The following SLC14A2 variants were observed in gnomAD, a reference collection of about 807,000 sequenced individuals.
SLC14A2 encodes solute carrier family 14 member 2.
SLC14A2 carries 91 observed loss-of-function variants against 104.6 expected under a neutral mutation model. The ratio of observed to expected loss-of-function variants is 0.87; its 90% CI spans 0.73 to 1.04. The LOEUF (loss-of-function observed/expected upper bound fraction) is 1.04. Ranked by LOEUF, SLC14A2 falls within the 50% of genes least tolerant of loss-of-function variation. The pLI is 0.00. For synonymous variants in SLC14A2, 476 were observed against 466.4 expected, an observed-to-expected ratio of 1.02 and a Z score of -0.27; for missense variants, 1,189 against 1,156.0, an observed-to-expected ratio of 1.03 and a Z score of -0.41.
intron 1 of SLC14A2, among the ~76,000 whole-genome samples, chr18:45,326,495 G>A (rs927500279): frequency 6.6e-6 from 1 of 152,134 alleles, no homozygotes; most frequent in African/African-American, 2.4e-5. Context: ...ATATTGAGGA[G>A]AGGAGCAAAA....
At chr18:45,678,954 C>CTTTTTTTTTTTTTT (rs72437878) in intron 18 of SLC14A2, 21 bp from the exon 19 acceptor site, 8 of 1,436,496 alleles carry the variant, frequency 5.6e-6, no homozygotes, top group Admixed American at 4.3e-5. Context: ...CTATTTCTTT[C>CTTTTTTTTTTTTTT]TTTTTTTTTT....
At chr18:45,310,936 G>T (rs1322599442) in intron 1 of SLC14A2, among the ~76,000 whole-genome samples, 1 of 152,176 alleles carries the variant, frequency 6.6e-6, no homozygotes, top group Non-Finnish European at 1.5e-5. Flanking sequence ...GGCACTCTTT[G>T]TTGGCCTAGA....
rs115964596 is a variant in SLC14A2 at position 45,653,845 on chromosome 18, C to T, written c.1351+9685C>T. Among the ~76,000 whole-genome samples the T allele has an allele frequency of 1.4e-3, 219 of 152,366 alleles. 2 individuals carry two copies. Among genetic ancestry groups the T allele is most frequent in the African/African-American group, 4.9e-3 (202 of 41,584 alleles). Reference sequence around the variant, plus strand: ...GCTGATGGCAATACTGTTCCCCAGCCTGTGCCCTGCCCCTATGGGGAATTA... The same window carrying T: ...GCTGATGGCAATACTGTTCCCCAGCTTGTGCCCTGCCCCTATGGGGAATTA... On this transcript the variant is annotated intron_variant, in intron 10 of 19. Transcript: ENST00000255226.
chr18:45,613,585 A>G (rs1292101296), upstream of SLC14A2, among the ~76,000 whole-genome samples: 1 of 152,214 alleles, frequency 6.6e-6, no homozygotes, highest in Non-Finnish European at 1.5e-5. Context: ...GGTGGTCTCA[A>G]ATGGAGATGA....
At chr18:45,367,304 A>G (rs1330012112) in intron 1 of SLC14A2, among the ~76,000 whole-genome samples, 1 of 152,192 alleles carries the variant, frequency 6.6e-6, no homozygotes. Context: ...GATTTCATAT[A>G]TTTATGATGA....
chr18:45,206,968 T>A, the SLC14A2 span, among the ~76,000 whole-genome samples: 494 of 152,342 alleles, frequency 3.2e-3, 3 homozygotes, highest in African/African-American at 0.011. Context: ...GAATGTGTAT[T>A]GCCCCAGTAG....
At chr18:45,649,302 C>T (rs2045688111) in intron 10 of SLC14A2, among the ~76,000 whole-genome samples, 13 of 152,224 alleles carry the variant, frequency 8.5e-5, no homozygotes, top group Admixed American at 8.5e-4. Flanking sequence ...GAACTAAGGC[C>T]TTTGAAATAA....
At position 45,390,275 on chromosome 18, in the gene SLC14A2, T is replaced by C. The variant is rs538409905; in HGVS notation, c.-124-92958T>C. On this transcript the variant is annotated intron_variant, in intron 1 of 20. Transcript: ENST00000586448. Reference sequence around the variant, plus strand: ...CTGCTTCCTCTGGTCCTGAGCACCATCTTGTCACTGGGCTTCATGAAGCAA... The same window carrying C: ...CTGCTTCCTCTGGTCCTGAGCACCACCTTGTCACTGGGCTTCATGAAGCAA... Among the ~76,000 whole-genome samples, 337 of 152,270 alleles carry C rather than the reference T, an allele frequency of 2.2e-3. 2 individuals carry two copies. Among genetic ancestry groups the C allele is most frequent in the South Asian group, 0.013 (61 of 4,812 alleles).
At chr18:45,519,106 G>A (rs549587953) in intron 2 of SLC14A2, among the ~76,000 whole-genome samples, 1 of 152,238 alleles carries the variant, frequency 6.6e-6, no homozygotes, top group East Asian at 1.9e-4. Context: ...AATAATACCA[G>A]GAGGAATAAT....
At chr18:45,377,136 G>A (rs2085783745) in intron 1 of SLC14A2, among the ~76,000 whole-genome samples, 2 of 152,082 alleles carry the variant, frequency 1.3e-5, no homozygotes, top group African/African-American at 4.8e-5. Context: ...AAAATCAGAA[G>A]CCATTTCTCA....
At chr18:45,674,426 A>T (rs971820751) in intron 18 of SLC14A2, among the ~76,000 whole-genome samples, 2 of 152,182 alleles carry the variant, frequency 1.3e-5, no homozygotes, top group African/African-American at 2.4e-5. Flanking sequence ...GATGTTCTGG[A>T]TCAGCTATGG....
intron 2 of SLC14A2, among the ~76,000 whole-genome samples, chr18:45,532,433 A>T (rs1268119396): frequency 6.7e-6 from 1 of 150,260 alleles, no homozygotes; most frequent in Non-Finnish European, 1.5e-5. Context: ...TGTAAGTTGG[A>T]TTCCTAGGTA....
chr18:45,168,760 T>G, the SLC14A2 span: 23 of 152,318 alleles, frequency 1.5e-4, no homozygotes, highest in East Asian at 3.1e-3. Flanking sequence ...AGGAACTTTT[T>G]TTTTTATGAA....
chr18:45,169,706 C>T, the SLC14A2 span, among the ~76,000 whole-genome samples: 1 of 152,196 alleles, frequency 6.6e-6, no homozygotes, highest in African/African-American at 2.4e-5. Context: ...TCCATTTTCC[C>T]ACAGTGGCTT....
intron 1 of SLC14A2, among the ~76,000 whole-genome samples, chr18:45,343,823 C>T (rs1362057143): frequency 6.6e-6 from 1 of 152,042 alleles, no homozygotes; most frequent in African/African-American, 2.4e-5. Context: ...TTTGAAATCA[C>T]CGCCTGTACC....
chr18:45,434,936 G>T (rs1372053426), intron 1 of SLC14A2, among the ~76,000 whole-genome samples: 2 of 152,112 alleles, frequency 1.3e-5, no homozygotes, highest in Non-Finnish European at 2.9e-5. Flanking sequence ...GTGTTTATTG[G>T]TTTTTTCCAA....
At chr18:45,424,970 G>A (rs936903159) in intron 1 of SLC14A2, among the ~76,000 whole-genome samples, 12 of 152,196 alleles carry the variant, frequency 7.9e-5, no homozygotes, top group African/African-American at 2.9e-4. Context: ...AAACTGAAGA[G>A]ATTTTCCCTG....
At chr18:45,343,115 T>C (rs1330337506) in intron 1 of SLC14A2, among the ~76,000 whole-genome samples, 2 of 150,970 alleles carry the variant, frequency 1.3e-5, no homozygotes, top group African/African-American at 2.4e-5. Flanking sequence ...GTCCTATCCA[T>C]GCTGCTGCTG....
At chr18:45,662,832 A>C (rs1412960421) in intron 10 of SLC14A2, among the ~76,000 whole-genome samples, 1 of 152,140 alleles carries the variant, frequency 6.6e-6, no homozygotes, top group Non-Finnish European at 1.5e-5. Context: ...GAGCAAGGTA[A>C]AACTGCATAC....
Sources: allele counts gnomAD v4.1 joint callset (sites outside exome capture counted in the v4.1 genomes callset), GRCh38; gene constraint gnomAD v4.1.1; transcripts MANE v1.5; gene names NCBI Gene and HGNC (gene_info 2026-07-23, HGNC 2026-07-21).